ADAP1: variants seen among roughly 807,000 people sequenced by gnomAD.
ADAP1 encodes arf-GAP with dual PH domain-containing protein 1.
A neutral mutation model predicts 54.9 loss-of-function variants in ADAP1; 31 were observed. The ratio of observed to expected loss-of-function variants is 0.56; its 90% CI spans 0.42 to 0.76. The LOEUF is 0.76. Ranked by LOEUF, ADAP1 falls within the 30% of genes least tolerant of loss-of-function variation. ADAP1 has a pLI of 0.00. For missense variants in ADAP1, 535 were observed against 512.4 expected (o/e 1.04, Z -0.42); for synonymous variants, 313 against 202.6 (o/e 1.55, Z -4.63).
chr7:906,723 C>CGGGACAG (rs1554272443), intron 4 of ADAP1, among the ~76,000 whole-genome samples: 2 of 18,456 alleles, frequency 1.1e-4, no homozygotes, highest in Non-Finnish European at 1.0e-4. Flanking sequence ...ACATCGGGGA[C>CGGGACAG]GGGACATGGG....
intron 1 of ADAP1, among the ~76,000 whole-genome samples, chr7:947,674 G>A (rs186084267): frequency 4.6e-5 from 7 of 151,968 alleles, no homozygotes; most frequent in East Asian, 3.9e-4. Context: ...CTCACGCCCC[G>A]CCCTAGGCCT....
intron 6 of ADAP1, among the ~76,000 whole-genome samples, chr7:902,025 C>CT (rs981983787): frequency 2.0e-5 from 3 of 152,134 alleles, no homozygotes; most frequent in Non-Finnish European, 4.4e-5. Flanking sequence ...CTCTGTGACC[C>CT]TGCAGGCTGC....
chr7:903,660 C>G (rs1028642898), intron 6 of ADAP1, among the ~76,000 whole-genome samples: 19 of 151,886 alleles, frequency 1.3e-4, no homozygotes, highest in South Asian at 8.3e-4. Context: ...GGTACACCCA[C>G]CCTCCCCGCC....
intron 4 of ADAP1, chr7:905,493 AGGGAGAAG>A (rs1845147665): frequency 1.5e-4 from 1 of 6,850 alleles, no homozygotes. Flanking sequence ...AGAAAGGAGA[AGGGAGAAG>A]GGAGAAGGGA....
chr7:905,994 A>G (rs867306544), intron 4 of ADAP1, among the ~76,000 whole-genome samples: 2 of 98,700 alleles, frequency 2.0e-5, no homozygotes, highest in Non-Finnish European at 4.8e-5. Context: ...GAAAGGAGAA[A>G]GGAGAAAGGA....
At chr7:900,810 C>T in intron 6 of ADAP1, 194 bp from the exon 7 acceptor site, 1 of 655,452 alleles carries the variant, frequency 1.5e-6, no homozygotes, top group South Asian at 1.7e-5. Context: ...GGCTGCTACA[C>T]AGGGGCTGCC....
rs749535925 is a variant in ADAP1, at chr7:926,658, G to A, written c.214-14C>T. The A allele has an allele frequency of 1.7e-5, 26 of 1,537,982 alleles. No homozygotes were observed. The highest frequency in any genetic ancestry group is 2.2e-5 in the Non-Finnish European group (25 of 1,141,698). ...GGAGGCCATGAACTGCAAGAGAGGA[G>A]GGGCCGGGTCAGAGGCCTGGGGTCC... is the stretch of plus-strand genomic sequence containing the variant. On this transcript the variant is annotated splice_polypyrimidine_tract_variant and intron_variant, in intron 2 of 10. Transcript: ENST00000265846. This position sits in a 1 kb window ranked among gnomAD's most constrained non-coding sequence, Gnocchi z 4.6.
intron 4 of ADAP1, among the ~76,000 whole-genome samples, chr7:919,628 G>A (rs558592513): frequency 1.1e-3 from 143 of 131,564 alleles, no homozygotes; most frequent in Middle Eastern, 4.0e-3. Context: ...CAGACATGAA[G>A]AGAGAGTAAG....
rs1844678197 is a variant in ADAP1 at position 899,553 on chromosome 7, C to CT, written c.796-64_796-63insA. On this transcript the variant is annotated intron_variant, in intron 8 of 10. Transcript: ENST00000265846. Reference sequence around the variant, plus strand: ...GAGGCAGGCCCTACATCCAGCTGACCACAGCACACCCCGGAGGGCAGGGCC... The same window carrying CT: ...GAGGCAGGCCCTACATCCAGCTGACCTACAGCACACCCCGGAGGGCAGGGCC... 5.5e-5 allele frequency: 86 copies of CT among 1,555,606 alleles called. No individual in the cohort carries two copies. The South Asian group carries it at 9.3e-4, about 17-fold the overall frequency.
chr7:918,816 A>ACC (rs1440393495), intron 4 of ADAP1, among the ~76,000 whole-genome samples: 1 of 152,126 alleles, frequency 6.6e-6, no homozygotes, highest in African/African-American at 2.4e-5. Context: ...ACCCGAGCCC[A>ACC]CCTCCTACAG....
chr7:926,776 C>A lies in ADAP1; in HGVS notation c.214-132G>T, dbSNP rs58061645. Reference sequence around the variant, plus strand: ...TCTGAGGGCTCCACCAGCACCAGGACGGGAACGCCACCTCCTCCTGCCCCA... The same window carrying A: ...TCTGAGGGCTCCACCAGCACCAGGAAGGGAACGCCACCTCCTCCTGCCCCA... On this transcript the variant is annotated intron_variant, in intron 2 of 10. Transcript: ENST00000265846. This position sits in a 1 kb window ranked among gnomAD's most constrained non-coding sequence, Gnocchi z 4.6. 5,473 of 788,450 alleles carry A rather than the reference C, an allele frequency of 6.9e-3. 194 individuals carry two copies. The African/African-American group carries it at 0.087, about 12-fold the overall frequency. The allele number at this position is 788,450 out of a possible 1,614,324, so 48.8% of individuals were successfully genotyped here.
chr7:916,892 T>C (rs937297355), intron 4 of ADAP1, among the ~76,000 whole-genome samples: 7 of 151,798 alleles, frequency 4.6e-5, no homozygotes, highest in African/African-American at 1.2e-4. Context: ...CCCACGCCGC[T>C]CCTGGGAGAA....
At chr7:904,322 C>G (rs1411485083) in intron 5 of ADAP1, 50 bp from the exon 6 acceptor site, 2 of 1,525,090 alleles carry the variant, frequency 1.3e-6, no homozygotes, top group East Asian at 4.7e-5. Flanking sequence ...CGTCCAAGCT[C>G]AAGGGAGCAG....
At chr7:903,660 C>T in intron 6 of ADAP1, among the ~76,000 whole-genome samples, 1 of 152,006 alleles carries the variant, frequency 6.6e-6, no homozygotes, top group African/African-American at 2.4e-5. Context: ...GGTACACCCA[C>T]CCTCCCCGCC....
chr7:920,726 G>A lies in ADAP1; in HGVS notation c.306-676C>T. ...GAGGGCCCCCCACGGCACCCACTGA[G>A]CCCAGACATCCCTGCCCAGAGCCAC... On this transcript the variant is annotated intron_variant, in intron 3 of 10. Coordinates refer to ENST00000265846, the MANE Select transcript of ADAP1 (RefSeq NM_006869.4). This position sits in a 1 kb window ranked among gnomAD's most constrained non-coding sequence, Gnocchi z 4.5. 2 of 1,458,126 alleles carry A rather than the reference G, an allele frequency of 1.4e-6. No individual in the cohort carries two copies. The highest frequency in any genetic ancestry group is 1.9e-6 in the Non-Finnish European group (2 of 1,073,434). 90.3% of individuals were successfully genotyped at this position (1,458,126 alleles called of 1,614,324 possible). A position where few individuals can be genotyped will look rare whatever the true frequency, so the allele number is the denominator to read the frequency against.
At chr7:904,950 GGCA>G in intron 5 of ADAP1, 107 bp downstream of exon 5, 18 of 810,538 alleles carry the variant, frequency 2.2e-5, no homozygotes, top group Non-Finnish European at 3.2e-5. Flanking sequence ...CATCGGGGGG[GGCA>G]GCAGGGAGGG....
intron 1 of ADAP1, among the ~76,000 whole-genome samples, chr7:948,941 C>T (rs1369030702): frequency 6.6e-6 from 1 of 152,216 alleles, no homozygotes; most frequent in Non-Finnish European, 1.5e-5. Context: ...GTGATCCTCC[C>T]GCCTCAGCCT....
Position 900,628 on chromosome 7 carries a change from G to A in ADAP1, c.649-12C>T, listed in dbSNP as rs755428789. 2 of 1,603,438 alleles carry A rather than the reference G, an allele frequency of 1.2e-6. No homozygotes were observed. The highest frequency in any genetic ancestry group is 1.7e-6 in the Non-Finnish European group (2 of 1,175,356). ...CAGTCCACAATCTCCTAGGGGCAAA[G>A]GTGGGCACAGGCTTGGGCTGAGGAG... is the stretch of plus-strand genomic sequence containing the variant. On this transcript the variant is annotated splice_polypyrimidine_tract_variant and intron_variant, in intron 6 of 10. Transcript: ENST00000265846.
rs1844716881 is a variant in ADAP1, at chr7:900,155, T to G, written c.742A>C (p.Lys248Gln). The G allele has an allele frequency of 6.2e-7, 1 of 1,613,126 alleles. No homozygotes were observed. Among genetic ancestry groups the G allele is most frequent in the Non-Finnish European group, 8.5e-7 (1 of 1,179,906 alleles). The change falls in exon 8 of 11, where the codon AAG becomes CAG. Residue 248 changes from lysine to glutamine, a missense_variant. Coordinates refer to ENST00000265846, the MANE Select transcript of ADAP1 (RefSeq NM_006869.4). ...PGAGDADLVP[K>Q]LSRNYLKEGY... is the part of the protein sequence containing the mutation. Reference sequence around the variant, plus strand: ...TCCTTCAGGTAGTTCCTGGAGAGCTTTGGCACCAGCTAGGGCAGGACACAC... The same window carrying G: ...TCCTTCAGGTAGTTCCTGGAGAGCTGTGGCACCAGCTAGGGCAGGACACAC...
Sources: gnomAD v4.1 joint callset for allele counts (sites outside exome capture counted in the v4.1 genomes callset) on GRCh38, gnomAD v4.1.1 for gene constraint, Gnocchi (gnomAD v3.1) non-coding constraint, MANE v1.5 for transcripts, NCBI Gene and HGNC (gene_info 2026-07-23, HGNC 2026-07-21) for gene names.